UGT2A3: variants seen among roughly 807,000 people sequenced by gnomAD.
UGT2A3 encodes UDP glucuronosyltransferase family 2 member A3.
In UGT2A3, 55 loss-of-function variants were observed where a neutral mutation model predicts 44.1. The observed-to-expected ratio is 1.25, with a 90% CI of 1.00 to 1.56. The LOEUF is 1.56. UGT2A3 is among the 40% of genes most tolerant of loss of function. The probability of loss-of-function intolerance (pLI) is 0.00; values close to 1 mark genes in which losing one functional copy is unlikely to be tolerated. For synonymous variants in UGT2A3, 243 were observed against 215.1 expected (o/e 1.13, Z -1.13); for missense variants, 733 against 621.6 (o/e 1.18, Z -1.91).
At chr4:68,937,883 C>T (rs190352812) in intron 2 of UGT2A3, among the ~76,000 whole-genome samples, 5 of 152,146 alleles carry the variant, frequency 3.3e-5, no homozygotes, top group African/African-American at 7.2e-5. Context: ...GAGGATATCA[C>T]CACTGTTCAC....
At position 68,951,039 on chromosome 4, in the gene UGT2A3, G is replaced by A. The variant is rs1718564676; in HGVS notation, c.715+7C>T. On this transcript the variant is annotated splice_region_variant and intron_variant, in intron 1 of 5. Transcript: ENST00000251566. ...ACTAAATTAAAAATAAAACAAAAGT[G>A]TCTTACCTAATGCCTTACTATAAAA... is the stretch of plus-strand genomic sequence containing the variant. The A allele has an allele frequency of 5.3e-6, 8 of 1,512,762 alleles. No homozygotes were observed. The highest frequency in any genetic ancestry group is 7.1e-6 in the Non-Finnish European group (8 of 1,128,554). 93.7% of individuals were successfully genotyped at this position (1,512,762 alleles called of 1,614,324 possible).
Position 68,929,710 on chromosome 4 carries a change from A to C in UGT2A3, c.*103T>G. 1 of 1,094,802 alleles carries C rather than the reference A, an allele frequency of 9.1e-7. No individual in the cohort carries two copies. Among genetic ancestry groups the C allele is most frequent in the Admixed American group, 2.3e-5 (1 of 43,048 alleles). 67.8% of individuals were successfully genotyped at this position (1,094,802 alleles called of 1,614,324 possible). On this transcript the variant is annotated 3_prime_UTR_variant, in exon 6 of 6. Transcript: ENST00000251566. ...TTCTAGGCTATATAGCTAAGATAAA[A>C]TAACAGAATAGATAATATGAAAATA...
At chr4:68,945,619 A>G (rs1012421837) in intron 1 of UGT2A3, among the ~76,000 whole-genome samples, 165 bp from the exon 2 acceptor site, 4 of 151,366 alleles carry the variant, frequency 2.6e-5, no homozygotes, top group Non-Finnish European at 5.9e-5. Context: ...AATAAAGAAG[A>G]AAAAAGAAAG....
In UGT2A3 at chr4:68,930,028, G is replaced by T. The variant is rs267600216; in HGVS notation, c.1369C>A (p.Arg457=). The T allele has an allele frequency of 2.5e-6, 4 of 1,613,368 alleles. No individual in the cohort carries two copies. In the Admixed American group the frequency reaches 5.0e-5, roughly 20 times the overall value. Residue 457 remains arginine (R), a synonymous_variant, in exon 6 of 6, where the codon CGA becomes AGA. Coordinates refer to ENST00000251566, the MANE Select transcript of UGT2A3 (RefSeq NM_024743.4). ...ACAAACTCGATCCAGAAGACTGCTC[G>T]ATCTAGGGGCTTTACAGGTTGATCA... is the stretch of plus-strand genomic sequence containing the variant. ...HHDQPVKPLD[R]AVFWIEFVMR...
In UGT2A3 at chr4:68,930,622, C is replaced by G; in HGVS notation, c.1228G>C (p.Ala410Pro). The change falls in exon 5 of 6, where the codon GCT (alanine) becomes CCT (proline). Residue 410 changes from alanine to proline, a missense_variant. By Grantham distance (27) the Ala-to-Pro change is conservative. Transcript: ENST00000251566. Reference protein sequence around the residue: ...NIAHMKAKGAAVEINFKTMTS... With the variant: ...NIAHMKAKGAPVEINFKTMTS... Reference sequence around the variant, plus strand: ...ATAGTTTTGAAGTTTATTTCTACAGCTGCTCCTTTGGCCTTCATGTGAGCT... The same window carrying G: ...ATAGTTTTGAAGTTTATTTCTACAGGTGCTCCTTTGGCCTTCATGTGAGCT... The G allele has an allele frequency of 6.2e-7, 1 of 1,613,550 alleles. No homozygotes were observed.
chr4:68,944,687 T>A (rs923121667), intron 2 of UGT2A3, among the ~76,000 whole-genome samples: 1 of 151,786 alleles, frequency 6.6e-6, no homozygotes, highest in African/African-American at 2.4e-5. Flanking sequence ...TTTTCTCAAA[T>A]GGCTTTTATT....
chr4:68,938,138 C>T (rs1718026466), intron 2 of UGT2A3, among the ~76,000 whole-genome samples: 1 of 152,080 alleles, frequency 6.6e-6, no homozygotes, highest in Non-Finnish European at 1.5e-5. Context: ...CAAATAGGAG[C>T]TGGTACCATT....
In UGT2A3 at chr4:68,951,554, A is replaced by G; in HGVS notation, c.207T>C (p.Pro69=). Residue 69 remains proline, a synonymous_variant, in exon 1 of 6, where the codon CCT becomes CCC. Transcript: ENST00000251566. ...GGACCACCTCAAATTTCAATGCAGAAGGCTTCCTGTAGTCAATTAACGAAG... is the reference window on the plus strand; with the variant it reads ...GGACCACCTCAAATTTCAATGCAGAGGGCTTCCTGTAGTCAATTAACGAAG... ...SKPSLIDYRK[P]SALKFEVVHM... The G allele has an allele frequency of 3.1e-6, 5 of 1,613,062 alleles. No homozygotes were observed. Among genetic ancestry groups the G allele is most frequent in the Non-Finnish European group, 3.4e-6 (4 of 1,179,440 alleles).
chr4:68,933,384 C>CA (rs1717812438), intron 2 of UGT2A3, among the ~76,000 whole-genome samples: 1 of 152,038 alleles, frequency 6.6e-6, no homozygotes, highest in Admixed American at 6.6e-5. Context: ...TGCAACTGGA[C>CA]ATTCAATCTC....
intron 2 of UGT2A3, among the ~76,000 whole-genome samples, chr4:68,940,737 C>T (rs914992289): frequency 6.8e-5 from 10 of 146,122 alleles, no homozygotes; most frequent in Non-Finnish European, 1.3e-4. Flanking sequence ...ATATAATATA[C>T]ACATATATAC....
At chr4:68,938,354 C>T (rs930260202) in intron 2 of UGT2A3, among the ~76,000 whole-genome samples, 7 of 152,074 alleles carry the variant, frequency 4.6e-5, no homozygotes, top group African/African-American at 7.2e-5. Context: ...AAACCTTTTC[C>T]ACCATGATCA....
At chr4:68,935,257 T>C (rs933331441) in intron 2 of UGT2A3, among the ~76,000 whole-genome samples, 1 of 26,298 alleles carries the variant, frequency 3.8e-5, no homozygotes, top group African/African-American at 9.6e-5. Context: ...GACAAGGAGG[T>C]GTGTATGTAT....
At chr4:68,946,473 C>T (rs1718387715) in intron 1 of UGT2A3, among the ~76,000 whole-genome samples, 1 of 151,496 alleles carries the variant, frequency 6.6e-6, no homozygotes, top group Non-Finnish European at 1.5e-5. Context: ...AGAATAGAGC[C>T]TTCTCTCAGC....
At position 68,945,372 on chromosome 4, in the gene UGT2A3, T is replaced by A. The variant is rs1421741253; in HGVS notation, c.798A>T (p.Gln266His). Residue 266 changes from glutamine to histidine, a missense_variant, in exon 2 of 6, where the codon CAA (glutamine) becomes CAT (histidine). Physicochemically the swap from Gln to His is conservative, Grantham distance 24 (BLOSUM62 0). Coordinates refer to ENST00000251566, the MANE Select transcript of UGT2A3 (RefSeq NM_024743.4). ...IRTYWDFEFP[Q>H]PYQPNFEFVG... ...CAAACTCAAAGTTAGGTTGGTATGG[T>A]TGAGGAAATTCAAAATCCCAATATG... The A allele has an allele frequency of 6.2e-7, 1 of 1,611,458 alleles. No homozygotes were observed.
chr4:68,940,698 A>G (rs997025225), intron 2 of UGT2A3, among the ~76,000 whole-genome samples: 1 of 148,484 alleles, frequency 6.7e-6, no homozygotes, highest in African/African-American at 2.4e-5. Flanking sequence ...AGTATTTTAT[A>G]TATATATAAA....
intron 1 of UGT2A3, among the ~76,000 whole-genome samples, chr4:68,945,861 G>A (rs1211400861): frequency 2.6e-5 from 4 of 151,592 alleles, no homozygotes; most frequent in African/African-American, 9.7e-5. Context: ...CAAGTGAATT[G>A]CAGATGATAA....
At chr4:68,943,332 T>A (rs1718265537) in intron 2 of UGT2A3, 6 of 1,273,100 alleles carry the variant, frequency 4.7e-6, no homozygotes, top group Non-Finnish European at 5.1e-6. Context: ...CTATTTTAGA[T>A]ACAGATGCCA....
intron 2 of UGT2A3, chr4:68,943,177 A>C: frequency 2.5e-6 from 1 of 399,356 alleles, no homozygotes; most frequent in Non-Finnish European, 4.0e-6. Flanking sequence ...TAAAAATATG[A>C]CTTCTATGAT....
At chr4:68,938,149 C>A (rs1431189874) in intron 2 of UGT2A3, among the ~76,000 whole-genome samples, 4 of 152,214 alleles carry the variant, frequency 2.6e-5, no homozygotes, top group Admixed American at 2.6e-4. Context: ...TGGTACCATT[C>A]CTTCTGAAAC....
Sources: gnomAD v4.1 joint callset for allele counts (sites outside exome capture counted in the v4.1 genomes callset) on GRCh38, gnomAD v4.1.1 for gene constraint, MANE v1.5 for transcripts, NCBI Gene and HGNC (gene_info 2026-07-23, HGNC 2026-07-21) for gene names.